Variants in PTPRN2 observed in about 807,000 individuals in gnomAD.
PTPRN2 encodes the protein receptor-type tyrosine-protein phosphatase N2.
Under a neutral mutation model 118.8 loss-of-function variants are expected in PTPRN2, and 74 were observed. The ratio of observed to expected loss-of-function variants is 0.62; its 90% CI spans 0.52 to 0.76. The LOEUF is 0.76. Ranked by LOEUF, PTPRN2 falls within the 30% of genes least tolerant of loss-of-function variation. PTPRN2 has a pLI of 0.00. For synonymous variants in PTPRN2, 641 were observed against 608.0 expected, an observed-to-expected ratio of 1.05 and a Z score of -0.80; for missense variants, 1,481 against 1,394.4, an observed-to-expected ratio of 1.06 and a Z score of -0.99.
At chr7:158,425,894 A>G (rs187669381) in intron 2 of PTPRN2, among the ~76,000 whole-genome samples, 125 of 45,024 alleles carry the variant, frequency 2.8e-3, no homozygotes, top group African/African-American at 8.3e-3. Context: ...TGAGGCCTGC[A>G]CAGCGCCGGG....
At chr7:158,166,092 G>A (rs976715809) in intron 6 of PTPRN2, among the ~76,000 whole-genome samples, 3 of 152,082 alleles carry the variant, frequency 2.0e-5, no homozygotes, top group East Asian at 1.9e-4. Flanking sequence ...AGATATGGAT[G>A]ACACAAGCTG....
At position 157,898,686 on chromosome 7, in the gene PTPRN2, G is replaced by A; in HGVS notation, c.1775C>T (p.Thr592Ile). Residue 592 changes from threonine (T) to isoleucine (I), a missense_variant, in exon 12 of 23, where the codon ACC becomes ATC. Physicochemically the swap from Thr to Ile is moderately conservative, Grantham distance 89. Around this residue, in one of 3 missense-constraint regions of PTPRN2, gnomAD observed 1,115 missense variants for 994.2 expected, o/e 1.12. Coordinates refer to ENST00000389418, the MANE Select transcript of PTPRN2 (RefSeq NM_002847.5). ...EETSGLKILQTGVGSKSKLKF... is the reference protein window; with the variant it reads ...EETSGLKILQIGVGSKSKLKF... ...TCTGTTACTCACCGACCCGACTCCG[G>A]TTTGAAGAATTTTCAGTCCAGAGGT... 1 of 1,603,602 alleles carries A rather than the reference G, an allele frequency of 6.2e-7. No homozygotes were observed. Among genetic ancestry groups the A allele is most frequent in the Non-Finnish European group, 8.5e-7 (1 of 1,170,378 alleles).
chr7:158,551,032 G>T (rs543876558), intron 1 of PTPRN2, among the ~76,000 whole-genome samples: 4 of 152,346 alleles, frequency 2.6e-5, no homozygotes, highest in African/African-American at 9.6e-5. Flanking sequence ...CCGTGAGCAC[G>T]GGGCCCTTGG....
Position 157,576,871 on chromosome 7 carries a change from C to T in PTPRN2, c.2617-92G>A, listed in dbSNP as rs1423076792. On this transcript the variant is annotated intron_variant, in intron 18 of 22. Transcript: ENST00000389418. Reference sequence around the variant, plus strand: ...CTGAGGAACCCAGGGCCACGTCTGACCAGAGAAGGGGGCGCTGCGAAGAGG... The same window carrying T: ...CTGAGGAACCCAGGGCCACGTCTGATCAGAGAAGGGGGCGCTGCGAAGAGG... The T allele has an allele frequency of 1.4e-5, 18 of 1,321,554 alleles. No individual in the cohort carries two copies. In the South Asian group the frequency reaches 2.6e-4, roughly 19 times the overall value. 81.9% of individuals were successfully genotyped at this position (1,321,554 alleles called of 1,614,324 possible). A position where few individuals can be genotyped will look rare whatever the true frequency, so the allele number is the denominator to read the frequency against.
At chr7:158,091,630 G>A (rs529874298) in intron 10 of PTPRN2, among the ~76,000 whole-genome samples, 28 of 151,814 alleles carry the variant, frequency 1.8e-4, no homozygotes, top group African/African-American at 6.0e-4. Flanking sequence ...GTGAGTGGGT[G>A]GGTGGGTGAG....
At position 158,574,644 on chromosome 7, in the gene PTPRN2, C is replaced by G. The variant is rs992608229; in HGVS notation, c.112+12914G>C. ...CAGATTTTCAGTTGTGGCAGTTACT[C>G]TAGCCAGAACTGGAAGGTGGCATGG... is the stretch of plus-strand genomic sequence containing the variant. On this transcript the variant is annotated intron_variant, in intron 1 of 22. Coordinates refer to ENST00000389418, the MANE Select transcript of PTPRN2 (RefSeq NM_002847.5). This position sits in a 1 kb window ranked among gnomAD's most constrained non-coding sequence, Gnocchi z 4.6. 6.6e-6 allele frequency among the ~76,000 whole-genome samples: 1 copy of G among 152,234 alleles called. No homozygotes were observed. Among genetic ancestry groups the G allele is most frequent in the Non-Finnish European group, 1.5e-5 (1 of 68,028 alleles).
chr7:158,466,178 C>G (rs114307852), intron 2 of PTPRN2, among the ~76,000 whole-genome samples: 2 of 152,150 alleles, frequency 1.3e-5, no homozygotes, highest in African/African-American at 2.4e-5. Flanking sequence ...CCTAGAGGCA[C>G]CCTCTGGGCA....
rs373240484 is a variant in PTPRN2 at position 158,071,260 on chromosome 7, C to T, written c.1723+10038G>A. Among the ~76,000 whole-genome samples, 189 of 34,076 alleles carry T rather than the reference C, an allele frequency of 5.5e-3. 13 individuals carry two copies. The highest frequency in any genetic ancestry group is 8.0e-3 in the East Asian group (3 of 376). The allele number at this position is 34,076 out of a possible 152,430, so 22.4% of individuals were successfully genotyped here. On this transcript the variant is annotated intron_variant, in intron 11 of 22. Transcript: ENST00000389418. ...GGAGGTGCTCGTAGTATGGAGGTGC[C>T]CGTGGTGGTGGAGGTGCCCGTGGTG...
chr7:157,985,966 C>T (rs1803757630), intron 11 of PTPRN2, among the ~76,000 whole-genome samples: 1 of 152,178 alleles, frequency 6.6e-6, no homozygotes, highest in South Asian at 2.1e-4. Flanking sequence ...TTAGAAAGCT[C>T]CTCCAAGATG....
At position 158,525,852 on chromosome 7, in the gene PTPRN2, G is replaced by A. The variant is rs770592430; in HGVS notation, c.113-36067C>T. Among the ~76,000 whole-genome samples, 14 of 152,100 alleles carry A rather than the reference G, an allele frequency of 9.2e-5. No homozygotes were observed. The highest frequency in any genetic ancestry group is 7.3e-5 in the Non-Finnish European group (5 of 68,028). On this transcript the variant is annotated intron_variant, in intron 1 of 22. Coordinates refer to ENST00000389418, the MANE Select transcript of PTPRN2 (RefSeq NM_002847.5). The surrounding 1 kb of genome is among the most constrained non-coding windows in gnomAD (Gnocchi z 4.1). ...CCCGCTTCAGCAAGAGGAAAGCCCC[G>A]ATGATACAGGGTGAAGACGCCTCCC...
chr7:158,080,823 C>A (rs902511808), intron 11 of PTPRN2, among the ~76,000 whole-genome samples: 4 of 152,298 alleles, frequency 2.6e-5, no homozygotes, highest in Admixed American at 6.5e-5. Flanking sequence ...TTACTGAAAC[C>A]TCCCAGATAC....
intron 10 of PTPRN2, among the ~76,000 whole-genome samples, chr7:158,103,562 AG>A (rs1407669025): frequency 6.6e-6 from 1 of 152,132 alleles, no homozygotes. Flanking sequence ...CCCTAGCATG[AG>A]TTGTACTCAG....
chr7:158,443,203 G>T (rs1216469333), intron 2 of PTPRN2, among the ~76,000 whole-genome samples: 1 of 152,198 alleles, frequency 6.6e-6, no homozygotes, highest in Non-Finnish European at 1.5e-5. Context: ...CAGGAGCGGA[G>T]GCTGCGGAGG....
At chr7:157,860,225 C>G (rs1173061382) in intron 12 of PTPRN2, among the ~76,000 whole-genome samples, 1 of 152,238 alleles carries the variant, frequency 6.6e-6, no homozygotes, top group Non-Finnish European at 1.5e-5. Flanking sequence ...AGCCTGCGAT[C>G]TCTGCATACC....
chr7:157,910,390 G>A (rs61115513), intron 11 of PTPRN2, among the ~76,000 whole-genome samples: 7,632 of 132,770 alleles, frequency 0.057, 1,141 homozygotes, highest in African/African-American at 0.23. Context: ...CACGTACGCC[G>A]TGGGGACGGG....
At chr7:158,050,034 G>A (rs1037058170) in intron 11 of PTPRN2, among the ~76,000 whole-genome samples, 28 of 152,306 alleles carry the variant, frequency 1.8e-4, no homozygotes, top group African/African-American at 6.5e-4. Flanking sequence ...TTCACTGCTA[G>A]TGACCCCCAT....
chr7:157,769,812 C>A (rs1431802803), intron 12 of PTPRN2, among the ~76,000 whole-genome samples: 4 of 152,222 alleles, frequency 2.6e-5, no homozygotes, highest in African/African-American at 9.6e-5. Context: ...AAACACTATC[C>A]CAGGCGCTCC....
intron 2 of PTPRN2, among the ~76,000 whole-genome samples, chr7:158,340,222 G>A (rs1158015771): frequency 1.2e-5 from 1 of 86,812 alleles, no homozygotes; most frequent in Non-Finnish European, 2.5e-5. Context: ...GCTGATGCCG[G>A]CACACGTCAC....
At chr7:158,080,314 CAAAA>C (rs556546951) in intron 11 of PTPRN2, among the ~76,000 whole-genome samples, 3,083 of 72,146 alleles carry the variant, frequency 0.043, 87 homozygotes, top group East Asian at 0.13. Flanking sequence ...CAAATTTAAG[CAAAA>C]AAAAAAAAAA....
Sources: allele counts gnomAD v4.1 joint callset (sites outside exome capture counted in the v4.1 genomes callset), GRCh38; gene constraint gnomAD v4.1.1; regional missense constraint gnomAD v4.1.1; non-coding constraint Gnocchi (gnomAD v3.1); transcripts MANE v1.5; gene names NCBI Gene and HGNC (gene_info 2026-07-23, HGNC 2026-07-21).